The following SATL1 variants were observed in gnomAD, a reference collection of about 807,000 sequenced individuals.
SATL1 encodes spermidine/spermine N1-acetyl transferase like 1, also known as spermidine/spermine N(1)-acetyltransferase-like protein 1.
SATL1 carries 47 observed loss-of-function variants against 51.8 expected under a neutral mutation model. The ratio of observed to expected loss-of-function variants is 0.91; its 90% confidence interval spans 0.72 to 1.16. SATL1 has a LOEUF of 1.16. Ranked by LOEUF, SATL1 falls within the 50% of genes most tolerant of loss-of-function variation. The pLI, the probability that SATL1 is intolerant of heterozygous loss-of-function variation, is 0.00. For missense variants in SATL1, 520 were observed against 526.4 expected (o/e 0.99, Z 0.12); for synonymous variants, 176 against 182.4 (o/e 0.97, Z 0.28).
At chrX:85,166,766 C>T (rs1409158528) in intron 2 of SATL1, among the ~76,000 whole-genome samples, 1 of 109,817 alleles carries the variant, frequency 9.1e-6, no homozygotes, top group East Asian at 2.9e-4. Flanking sequence ...TCCAGCAATC[C>T]CGCTGCTGGG....
rs138588786 is a variant in SATL1 at position 85,221,876 on chromosome X, C to G, written c.-313+2329G>C. Among the ~76,000 whole-genome samples, 267 of 112,033 alleles carry G rather than the reference C, an allele frequency of 2.4e-3. 8 individuals carry two copies. In the East Asian group the frequency reaches 0.046, roughly 19 times the overall value. On this transcript the variant is annotated intron_variant, in intron 2 of 7. Transcript: ENST00000644105. ...GTAGGTGTTTAATACAACACAAGAC[C>G]AAGCTCTAACTGGCTCCTATCAGTC...
intron 2 of SATL1, among the ~76,000 whole-genome samples, chrX:85,151,386 A>G (rs1292205470): frequency 9.0e-6 from 1 of 111,562 alleles, no homozygotes; most frequent in East Asian, 2.8e-4. Flanking sequence ...AAATGGCCAT[A>G]CTGCCCAAGG....
intron 2 of SATL1, among the ~76,000 whole-genome samples, chrX:85,131,231 A>G (rs1297360881): frequency 9.0e-6 from 1 of 111,480 alleles, no homozygotes; most frequent in African/African-American, 3.3e-5. Flanking sequence ...TGATCTGTCT[A>G]ATGTTGACAG....
chrX:85,169,676 A>C (rs912605346), intron 2 of SATL1, among the ~76,000 whole-genome samples: 2 of 111,748 alleles, frequency 1.8e-5, no homozygotes, highest in Non-Finnish European at 3.8e-5. Flanking sequence ...TGTTGGTTGG[A>C]GGTAAATTAA....
intron 2 of SATL1, among the ~76,000 whole-genome samples, chrX:85,179,448 T>G (rs1253062767): frequency 8.9e-6 from 1 of 111,926 alleles, no homozygotes; most frequent in East Asian, 2.8e-4. Context: ...GTGATCAGCA[T>G]CTGAGAAATC....
In SATL1 at chrX:85,126,628, T is replaced by G. The variant is rs376977538; in HGVS notation, c.-312-17348A>C. 1.1e-4 allele frequency among the ~76,000 whole-genome samples: 12 copies of G among 111,563 alleles called. No homozygotes were observed. The East Asian group carries it at 2.3e-3, about 21-fold the overall frequency. On this transcript the variant is annotated intron_variant, in intron 2 of 7. Coordinates refer to ENST00000644105, the MANE Select transcript of SATL1 (RefSeq NM_001367857.2). ...GATTATAAACTGCACCACTTTAGTA[T>G]TTTTTGTATAATTTTTTATGCCTAT...
chrX:85,213,116 T>C lies in SATL1; in HGVS notation c.-313+11089A>G, dbSNP rs190547555. Among the ~76,000 whole-genome samples, 323 of 111,896 alleles carry C rather than the reference T, an allele frequency of 2.9e-3. 1 individual carries two copies. Among genetic ancestry groups the C allele is most frequent in the African/African-American group, 0.01 (311 of 30,908 alleles). ...CCTATATATAAGTATTCATAATGTA[T>C]ATTTAAATTTGAATCTTTAGAAGGA... On this transcript the variant is annotated intron_variant, in intron 2 of 7. Coordinates refer to ENST00000644105, the MANE Select transcript of SATL1 (RefSeq NM_001367857.2).
At chrX:85,152,748 A>G (rs1318863377) in intron 2 of SATL1, among the ~76,000 whole-genome samples, 1 of 110,526 alleles carries the variant, frequency 9.0e-6, no homozygotes, top group Non-Finnish European at 1.9e-5. Flanking sequence ...GTTCTCACTC[A>G]TAGGTGGGAA....
chrX:85,163,686 G>C (rs1395908307), intron 2 of SATL1, among the ~76,000 whole-genome samples: 1 of 111,445 alleles, frequency 9.0e-6, no homozygotes, highest in Non-Finnish European at 1.9e-5. Context: ...CCTACAATAT[G>C]GTCTAGGAGA....
intron 2 of SATL1, among the ~76,000 whole-genome samples, chrX:85,147,545 C>G (rs1926289802): frequency 8.8e-6 from 1 of 113,428 alleles, no homozygotes; most frequent in Admixed American, 9.2e-5. Flanking sequence ...CCCCTGACCC[C>G]CGAGCAGCCT....
chrX:85,105,246 A>G (rs940082977), intron 3 of SATL1, among the ~76,000 whole-genome samples: 18 of 111,100 alleles, frequency 1.6e-4, no homozygotes, highest in African/African-American at 5.2e-4. Flanking sequence ...CAGAAGCTCA[A>G]TGGAGTTTTA....
chrX:85,143,942 A>G (rs993982898), intron 2 of SATL1, among the ~76,000 whole-genome samples: 6 of 112,296 alleles, frequency 5.3e-5, no homozygotes, highest in Non-Finnish European at 1.1e-4. Flanking sequence ...AATAAAAACC[A>G]TGCGAATCCA....
At chrX:85,194,412 G>A (rs1011059801) in intron 2 of SATL1, among the ~76,000 whole-genome samples, 2 of 111,423 alleles carry the variant, frequency 1.8e-5, no homozygotes, top group Admixed American at 1.9e-4. Context: ...AGATGTGATC[G>A]TGGCCTAGTA....
At chrX:85,220,444 A>T (rs369996049) in intron 2 of SATL1, among the ~76,000 whole-genome samples, 86 of 107,724 alleles carry the variant, frequency 8.0e-4, no homozygotes, top group African/African-American at 2.3e-3. Flanking sequence ...TGCTGGCATC[A>T]TCCCTCCCCT....
chrX:85,231,094 T>G (rs865942702), intron 1 of SATL1, among the ~76,000 whole-genome samples: 1 of 111,860 alleles, frequency 8.9e-6, no homozygotes, highest in African/African-American at 3.2e-5. Flanking sequence ...CTGAAAGAGA[T>G]ACCTGCACTC....
At chrX:85,162,196 C>A (rs1209158637) in intron 2 of SATL1, among the ~76,000 whole-genome samples, 1 of 111,340 alleles carries the variant, frequency 9.0e-6, no homozygotes, top group Non-Finnish European at 1.9e-5. Flanking sequence ...CAGTAAATGC[C>A]CACGATAAAA....
In SATL1 at chrX:85,108,368, G is replaced by C; in HGVS notation, c.601C>G (p.Pro201Ala). The change falls in exon 3 of 8, where the codon CCA becomes GCA. Residue 201 changes from proline to alanine, a missense_variant. Around this residue, in one of 3 missense-constraint regions of SATL1, gnomAD observed 488 missense variants for 474.3 expected, o/e 1.03. Coordinates refer to ENST00000644105, the MANE Select transcript of SATL1 (RefSeq NM_001367857.2). ...CTTGGGACTTGCTGGCTGATGCCTG[G>C]TTGTTGCACGCCTGGTTGCCACATG... is the stretch of plus-strand genomic sequence containing the variant. ...PGMWQPGVQQPGISQQVPSHP... is the reference protein window; with the variant it reads ...PGMWQPGVQQAGISQQVPSHP... 1 of 1,209,483 alleles carries C rather than the reference G, an allele frequency of 8.3e-7. No individual in the cohort carries two copies.
At chrX:85,116,091 G>A (rs1469050431) in intron 2 of SATL1, 2 of 111,562 alleles carry the variant, frequency 1.8e-5, no homozygotes, top group African/African-American at 6.5e-5. Flanking sequence ...ATAAAGTGAA[G>A]TGGAGAGGTG....
chrX:85,130,355 T>G (rs959568553), intron 2 of SATL1, among the ~76,000 whole-genome samples: 2 of 111,760 alleles, frequency 1.8e-5, no homozygotes, highest in Admixed American at 9.5e-5. Context: ...AGATTCACCT[T>G]CTTCCTGGTT....
Sources: gnomAD v4.1 joint callset for allele counts (sites outside exome capture counted in the v4.1 genomes callset) on GRCh38, gnomAD v4.1.1 for gene constraint, gnomAD v4.1.1 regional missense constraint, MANE v1.5 for transcripts, NCBI Gene and HGNC (gene_info 2026-07-23, HGNC 2026-07-21) for gene names.